CHD2: variants seen among roughly 807,000 people sequenced by gnomAD.
The protein encoded by CHD2 is ATP-dependent chromatin remodeler CHD2.
Under a neutral mutation model 243.9 loss-of-function variants are expected in CHD2, and 28 were observed. The observed-to-expected ratio is 0.11, with a 90% CI of 0.09 to 0.16. CHD2 has a LOEUF of 0.16. CHD2 is among the 10% of genes least tolerant of loss of function. The probability of loss-of-function intolerance (pLI) is 1.00; values close to 1 mark genes in which losing one functional copy is unlikely to be tolerated. For missense variants in CHD2, 1,386 were observed against 2,209.8 expected, an observed-to-expected ratio of 0.63 and a Z score of 7.47; for synonymous variants, 775 against 779.0, an observed-to-expected ratio of 0.99 and a Z score of 0.09.
chr15:92,985,606 C>T lies in CHD2; in HGVS notation c.3346C>T (p.Arg1116Cys), dbSNP rs200013427. 15 of 1,613,844 alleles carry T rather than the reference C, an allele frequency of 9.3e-6. No individual in the cohort carries two copies. The highest frequency in any genetic ancestry group is 1.3e-5 in the African/African-American group (1 of 74,916). ...CTCTGATGATGACAAGAAGCCAAAG[C>T]GCAGAGGGCGTCCGAGGAGTGTGCG... ...EDSDDDKKPK[R>C]RGRPRSVRKD... Residue 1116 changes from arginine to cysteine, a missense_variant, in exon 26 of 39, where the codon CGC (arginine) becomes TGC (cysteine). Around this residue, in one of 19 missense-constraint regions of CHD2, gnomAD observed 99 missense variants for 206.4 expected, o/e 0.48. Transcript: ENST00000394196.
At chr15:92,960,113 A>G (rs1040627065) in intron 16 of CHD2, among the ~76,000 whole-genome samples, 2 of 152,142 alleles carry the variant, frequency 1.3e-5, no homozygotes, top group African/African-American at 4.8e-5. Flanking sequence ...AATTCTGACT[A>G]TATTTGGAGT....
At chr15:92,941,737 G>A (rs2053386253) in intron 7 of CHD2, 85 bp from the exon 8 acceptor site, 2 of 1,373,898 alleles carry the variant, frequency 1.5e-6, no homozygotes, top group Non-Finnish European at 2.0e-6. Flanking sequence ...AAAGGGTATG[G>A]TTTCTTATTC....
chr15:92,943,349 C>A, intron 9 of CHD2: 1 of 371,260 alleles, frequency 2.7e-6, no homozygotes, highest in Non-Finnish European at 5.0e-6. Flanking sequence ...TGTTATTACC[C>A]ATTTTGTAGA....
chr15:93,023,921 G>A (rs953290580), intron 38 of CHD2, among the ~76,000 whole-genome samples: 2 of 151,882 alleles, frequency 1.3e-5, no homozygotes, highest in Non-Finnish European at 2.9e-5. Context: ...GTTTACCATG[G>A]TCCAAGCTAA....
At chr15:93,003,286 CAAAAAAAA>C (rs397853913) in intron 33 of CHD2, among the ~76,000 whole-genome samples, 1 of 131,030 alleles carries the variant, frequency 7.6e-6, no homozygotes, top group East Asian at 2.1e-4. Context: ...GACCTTGTCT[CAAAAAAAA>C]AAAAAAAAAA....
At chr15:92,935,418 C>A (rs890357131) in intron 5 of CHD2, among the ~76,000 whole-genome samples, 1 of 152,204 alleles carries the variant, frequency 6.6e-6, no homozygotes, top group Admixed American at 6.5e-5. Context: ...CTGGAAAACT[C>A]TAGCCTCAAC....
At chr15:92,945,684 CACTA>C in intron 10 of CHD2, 133 bp from the exon 11 acceptor site, 1 of 509,406 alleles carries the variant, frequency 2.0e-6, no homozygotes, top group Non-Finnish European at 3.4e-6. Context: ...AGGCGTGAGC[CACTA>C]TAATCCCATT....
At chr15:92,995,064 C>A (rs940231993) in intron 28 of CHD2, among the ~76,000 whole-genome samples, 8 of 152,156 alleles carry the variant, frequency 5.3e-5, no homozygotes, top group African/African-American at 1.9e-4. Context: ...TTTCCAAATA[C>A]CAATACCAAT....
chr15:92,981,515 G>A, intron 24 of CHD2, 58 bp downstream of exon 24: 1 of 1,325,358 alleles, frequency 7.5e-7, no homozygotes, highest in Non-Finnish European at 1.1e-6. Context: ...GATGACTAAT[G>A]TTTATGAACG....
At chr15:92,946,836 A>C (rs973621893) in intron 12 of CHD2, 1 of 151,992 alleles carries the variant, frequency 6.6e-6, no homozygotes, top group African/African-American at 2.4e-5. Context: ...AGTGGCTCAC[A>C]CCTGTGGTTC....
At chr15:92,938,581 C>T (rs2053305952) in intron 6 of CHD2, among the ~76,000 whole-genome samples, 1 of 152,162 alleles carries the variant, frequency 6.6e-6, no homozygotes, top group Non-Finnish European at 1.5e-5. Flanking sequence ...TATTTTATCT[C>T]AGCTTAATAA....
chr15:92,941,660 GAA>G (rs200999574), intron 7 of CHD2, among the ~76,000 whole-genome samples, 160 bp from the exon 8 acceptor site: 31 of 151,636 alleles, frequency 2.0e-4, no homozygotes, highest in Non-Finnish European at 4.1e-4. Flanking sequence ...AGCACTTTAG[GAA>G]AAAAAAGTAA....
In CHD2 at chr15:92,939,653, T is replaced by G; in HGVS notation, c.627T>G (p.Asp209Glu). 6.2e-7 allele frequency: 1 copy of G among 1,614,114 alleles called. No individual in the cohort carries two copies. Among genetic ancestry groups the G allele is most frequent in the South Asian group, 1.1e-5 (1 of 91,080 alleles). The change falls in exon 7 of 39, where the codon GAT (aspartate) becomes GAG (glutamate). Residue 209 changes from aspartate to glutamate, a missense_variant. This residue lies in a region of CHD2 where 90 missense variants were observed against 78.0 expected (regional missense o/e 1.15). Transcript: ENST00000394196. ...AGAGAAAAAAGCAAGATTCTTCTGA[T>G]GAGGATGATGATGATGACGAAGCTC... is the stretch of plus-strand genomic sequence containing the variant. ...RGKRKKQDSS[D>E]EDDDDDEAPK...
At chr15:92,944,692 A>G in intron 10 of CHD2, 177 bp downstream of exon 10, 2 of 367,290 alleles carry the variant, frequency 5.4e-6, no homozygotes, top group Non-Finnish European at 1.0e-5. Context: ...GATGAGAGAA[A>G]GAGGTGTTAA....
chr15:92,945,372 A>AT, intron 10 of CHD2: 1 of 149,242 alleles, frequency 6.7e-6, no homozygotes, highest in Non-Finnish European at 1.5e-5. Flanking sequence ...GAGAAAAAGA[A>AT]TTTTTTTCTT....
Position 92,945,829 on chromosome 15 carries a change from A to G in CHD2, c.1162A>G (p.Thr388Ala). The change falls in exon 11 of 39, where the codon ACA (threonine) becomes GCA (alanine). Residue 388 changes from threonine to alanine, a missense_variant. Thr to Ala is a moderately conservative substitution (Grantham distance 58). Coordinates refer to ENST00000394196, the MANE Select transcript of CHD2 (RefSeq NM_001271.4). ...ATTTTTTATTTGTTTAGCTGTGAAG[A>G]CAAGTAAATCTACATTGGGTCAAAC... ...QIVERVIAVK[T>A]SKSTLGQTDF... 1.9e-6 allele frequency: 3 copies of G among 1,572,444 alleles called. No homozygotes were observed. The highest frequency in any genetic ancestry group is 2.6e-6 in the Non-Finnish European group (3 of 1,157,140).
intron 33 of CHD2, 96 bp downstream of exon 33, chr15:93,002,413 T>C (rs1259513002): frequency 5.9e-6 from 9 of 1,529,266 alleles, no homozygotes; most frequent in Non-Finnish European, 7.8e-6. Flanking sequence ...CCTGGAATAA[T>C]TGTCTTTTTA....
intron 28 of CHD2, among the ~76,000 whole-genome samples, chr15:92,996,246 G>C (rs2054186268): frequency 7.0e-6 from 1 of 141,864 alleles, no homozygotes; most frequent in Non-Finnish European, 1.5e-5. Flanking sequence ...TGCAAGCTCT[G>C]CCTCCTGGGT....
At position 92,992,955 on chromosome 15, in the gene CHD2, A is replaced by G. The variant is rs144292068; in HGVS notation, c.3552A>G (p.Ala1184=). ...TGATCCACAACAGCTGTGTGTCAGC[A>G]ATGCAGGAATACGAAGAGCAGCTGA... ...GELIHNSCVS[A]MQEYEEQLKE... Residue 1184 remains alanine, a synonymous_variant, in exon 28 of 39, where the codon GCA becomes GCG. Transcript: ENST00000394196. The G allele has an allele frequency of 5.4e-4, 874 of 1,614,126 alleles. 1 individual carries two copies. The highest frequency in any genetic ancestry group is 6.7e-4 in the Non-Finnish European group (795 of 1,180,034).
Sources: gnomAD v4.1 joint callset for allele counts (sites outside exome capture counted in the v4.1 genomes callset) on GRCh38, gnomAD v4.1.1 for gene constraint, gnomAD v4.1.1 regional missense constraint, MANE v1.5 for transcripts, NCBI Gene and HGNC (gene_info 2026-07-23, HGNC 2026-07-21) for gene names.